The following CRTC1 variants were observed in gnomAD, a reference collection of about 807,000 sequenced individuals.
CRTC1 encodes CREB regulated transcription coactivator 1.
In CRTC1, 18 loss-of-function variants were observed where a neutral mutation model predicts 66.1. The ratio of observed to expected loss-of-function variants is 0.27; its 90% CI spans 0.19 to 0.40. The LOEUF is 0.40. Among genes scored for constraint, CRTC1 ranks in the 10% least tolerant of loss-of-function variants. The pLI is 1.00. For missense variants in CRTC1, 669 were observed against 887.9 expected, an observed-to-expected ratio of 0.75 and a Z score of 3.13; for synonymous variants, 416 against 398.8, an observed-to-expected ratio of 1.04 and a Z score of -0.51.
Position 18,759,307 on chromosome 19 carries a change from A to G in CRTC1, c.625-244A>G, listed in dbSNP as rs367789757. On this transcript the variant is annotated intron_variant, in intron 6 of 13. Coordinates refer to ENST00000321949, the MANE Select transcript of CRTC1 (RefSeq NM_015321.3). ...GGGCAGGAGCAGGGGGAGGGGACCC[A>G]TAGGGAGACCCTCTCTGTGCAACTC... 5.9e-5 allele frequency among the ~76,000 whole-genome samples: 9 copies of G among 152,342 alleles called. No homozygotes were observed. The South Asian group carries it at 1.9e-3, about 32-fold the overall frequency.
At chr19:18,736,630 G>C (rs1293182677) in intron 1 of CRTC1, among the ~76,000 whole-genome samples, 1 of 152,016 alleles carries the variant, frequency 6.6e-6, no homozygotes, top group Non-Finnish European at 1.5e-5. Context: ...GTAGCGACTG[G>C]TGGCTCCGGG....
At chr19:18,685,745 G>A (rs2052670770) in intron 1 of CRTC1, among the ~76,000 whole-genome samples, 2 of 152,126 alleles carry the variant, frequency 1.3e-5, no homozygotes, top group African/African-American at 4.8e-5. Context: ...AGGCAGGAGT[G>A]GCCACTTCTT....
intron 7 of CRTC1, 103 bp downstream of exon 7, chr19:18,759,694 A>G: frequency 7.6e-7 from 1 of 1,317,070 alleles, no homozygotes; most frequent in Admixed American, 1.9e-5. Context: ...TCCCTGCAAG[A>G]GGGACACTGT....
intron 8 of CRTC1, among the ~76,000 whole-genome samples, chr19:18,764,403 G>T (rs1302560476): frequency 6.6e-6 from 1 of 152,368 alleles, no homozygotes; most frequent in South Asian, 2.1e-4. Context: ...GTGGATGGGG[G>T]TCAGGCCAGG....
chr19:18,716,040 C>T (rs1008265981), intron 1 of CRTC1, among the ~76,000 whole-genome samples: 1 of 152,108 alleles, frequency 6.6e-6, no homozygotes, highest in African/African-American at 2.4e-5. Flanking sequence ...GAATGGTCCC[C>T]TTGCTGGGCT....
rs2054800659 is a variant in CRTC1 at position 18,768,913 on chromosome 19, C to G, written c.1320+120C>G. ...CCAGGGGTCAGAACCCCAGCGAACGCTGCCTGGGCCCACCTCTCCACGGGG... is the reference window on the plus strand; with the variant it reads ...CCAGGGGTCAGAACCCCAGCGAACGGTGCCTGGGCCCACCTCTCCACGGGG... On this transcript the variant is annotated intron_variant, in intron 10 of 13. Transcript: ENST00000321949. This position sits in a 1 kb window ranked among gnomAD's most constrained non-coding sequence, Gnocchi z 5.6. The G allele has an allele frequency of 1.6e-6, 2 of 1,282,872 alleles. No homozygotes were observed. The highest frequency in any genetic ancestry group is 3.1e-5 in the African/African-American group (2 of 64,194). The allele number at this position is 1,282,872 out of a possible 1,614,324, so 79.5% of individuals were successfully genotyped here.
chr19:18,764,416 C>T (rs547015634), intron 8 of CRTC1, among the ~76,000 whole-genome samples: 8 of 152,342 alleles, frequency 5.3e-5, no homozygotes, highest in African/African-American at 1.9e-4. Flanking sequence ...AGGCCAGGCT[C>T]GCAGGGGTCC....
chr19:18,756,588 T>C (rs1372308724), intron 6 of CRTC1, among the ~76,000 whole-genome samples: 1 of 150,158 alleles, frequency 6.7e-6, no homozygotes, highest in Non-Finnish European at 1.5e-5. Context: ...AAGTCCAGCC[T>C]GGGCAACAGA....
chr19:18,698,423 AGT>A (rs2053047969), intron 1 of CRTC1, among the ~76,000 whole-genome samples: 1 of 150,258 alleles, frequency 6.7e-6, no homozygotes, highest in Non-Finnish European at 1.5e-5. Flanking sequence ...CACACACAAC[AGT>A]GTGTACTCAG....
At chr19:18,763,232 C>T (rs1408185236) in intron 8 of CRTC1, among the ~76,000 whole-genome samples, 1 of 152,080 alleles carries the variant, frequency 6.6e-6, no homozygotes, top group Non-Finnish European at 1.5e-5. Context: ...TCCCGAGTAG[C>T]TGGGAGTACA....
At chr19:18,708,723 C>A (rs2053321371) in intron 1 of CRTC1, among the ~76,000 whole-genome samples, 1 of 152,212 alleles carries the variant, frequency 6.6e-6, no homozygotes, top group Non-Finnish European at 1.5e-5. Context: ...GTCAGGGCTC[C>A]TGTGGGGCCG....
chr19:18,716,221 T>G (rs1487418919), intron 1 of CRTC1, among the ~76,000 whole-genome samples: 1 of 151,638 alleles, frequency 6.6e-6, no homozygotes, highest in Admixed American at 6.6e-5. Context: ...AGGGTCATTA[T>G]TGGAGGTGGG....
In CRTC1 at chr19:18,777,164, C is replaced by G; in HGVS notation, c.1694-7C>G. ...GCAGTGCCTTTTGTCCCCACCCCAT[C>G]CCCCAGTGACAGGAGAGTCCCCCCC... is the stretch of plus-strand genomic sequence containing the variant. On this transcript the variant is annotated splice_polypyrimidine_tract_variant and splice_region_variant and intron_variant, in intron 13 of 13. Transcript: ENST00000321949. The surrounding 1 kb of genome is among the most constrained non-coding windows in gnomAD (Gnocchi z 5.5). 4 of 1,374,152 alleles carry G rather than the reference C, an allele frequency of 2.9e-6. No homozygotes were observed. Among genetic ancestry groups the G allele is most frequent in the Non-Finnish European group, 4.1e-6 (4 of 969,406 alleles). 85.1% of individuals were successfully genotyped at this position (1,374,152 alleles called of 1,614,324 possible).
intron 1 of CRTC1, among the ~76,000 whole-genome samples, chr19:18,740,460 A>T (rs2054087514): frequency 6.6e-6 from 1 of 152,158 alleles, no homozygotes; most frequent in African/African-American, 2.4e-5. Flanking sequence ...CCTCATGGCC[A>T]ACCTGTCTCT....
chr19:18,694,893 CTTT>C (rs371198258), intron 1 of CRTC1, among the ~76,000 whole-genome samples: 5 of 144,356 alleles, frequency 3.5e-5, no homozygotes, highest in Admixed American at 1.4e-4. Flanking sequence ...TCAGCGACCT[CTTT>C]TTTTTTTTTT....
At chr19:18,709,463 A>G (rs895203478) in intron 1 of CRTC1, among the ~76,000 whole-genome samples, 2 of 152,206 alleles carry the variant, frequency 1.3e-5, no homozygotes, top group African/African-American at 4.8e-5. Context: ...AGAAGCCTCC[A>G]GGCCCAAAAT....
At position 18,768,690 on chromosome 19, in the gene CRTC1, G is replaced by C; in HGVS notation, c.1217G>C (p.Arg406Pro). 1 of 1,576,290 alleles carries C rather than the reference G, an allele frequency of 6.3e-7. No individual in the cohort carries two copies. The highest frequency in any genetic ancestry group is 8.6e-7 in the Non-Finnish European group (1 of 1,163,292). The change falls in exon 10 of 14, where the codon CGT becomes CCT. Residue 406 changes from arginine to proline, a missense_variant. Around this residue, in one of 8 missense-constraint regions of CRTC1, gnomAD observed 241 missense variants for 242.2 expected, o/e 0.99. Transcript: ENST00000321949. This position sits in a 1 kb window ranked among gnomAD's most constrained non-coding sequence, Gnocchi z 5.6. ...GPLLPSASLT[R>P]GPQPPPLAVT... ...CTGTTGCCCAGCGCCAGCCTGACTCGTGGGCCACAGCCGCCCCCGCTTGCA... is the reference window on the plus strand; with the variant it reads ...CTGTTGCCCAGCGCCAGCCTGACTCCTGGGCCACAGCCGCCCCCGCTTGCA...
In CRTC1 at chr19:18,777,341, G is replaced by T; in HGVS notation, c.1864G>T (p.Asp622Tyr). 1 of 1,607,982 alleles carries T rather than the reference G, an allele frequency of 6.2e-7. No individual in the cohort carries two copies. Among genetic ancestry groups the T allele is most frequent in the Non-Finnish European group, 8.5e-7 (1 of 1,179,930 alleles). The change falls in exon 14 of 14, where the codon GAC becomes TAC. Residue 622 changes from aspartate to tyrosine, a missense_variant. Physicochemically the swap from Asp to Tyr is radical, Grantham distance 160. This residue lies in a region of CRTC1 where 91 missense variants were observed against 99.1 expected (regional missense o/e 0.92). Coordinates refer to ENST00000321949, the MANE Select transcript of CRTC1 (RefSeq NM_015321.3). This position sits in a 1 kb window ranked among gnomAD's most constrained non-coding sequence, Gnocchi z 5.5. ...MLNDPDMVLADPATEDTFRMD... is the reference protein window; with the variant it reads ...MLNDPDMVLAYPATEDTFRMD... ...CAACGACCCCGACATGGTTCTGGCC[G>T]ACCCAGCCACCGAGGACACCTTCCG... is the stretch of plus-strand genomic sequence containing the variant.
intron 1 of CRTC1, among the ~76,000 whole-genome samples, chr19:18,727,600 A>AAAAAAAAG (rs1245345054): frequency 2.3e-4 from 35 of 149,836 alleles, no homozygotes; most frequent in African/African-American, 7.4e-4. Flanking sequence ...AAAAAAAAGA[A>AAAAAAAAG]GAAGAAAGGG....
Sources: gnomAD v4.1 joint callset for allele counts (sites outside exome capture counted in the v4.1 genomes callset) on GRCh38, gnomAD v4.1.1 for gene constraint, gnomAD v4.1.1 regional missense constraint, Gnocchi (gnomAD v3.1) non-coding constraint, MANE v1.5 for transcripts, NCBI Gene and HGNC (gene_info 2026-07-23, HGNC 2026-07-21) for gene names.